KPNA1: variants seen among roughly 807,000 people sequenced by gnomAD.
KPNA1 encodes the protein importin subunit alpha-5.
In KPNA1, 10 loss-of-function variants were observed where a neutral mutation model predicts 70.5. The observed-to-expected ratio is 0.14, with a 90% CI of 0.09 to 0.24. The LOEUF (loss-of-function observed/expected upper bound fraction) is 0.24, where lower values mean the gene tolerates loss of function less well. Ranked by LOEUF, KPNA1 falls within the 10% of genes least tolerant of loss-of-function variation. KPNA1 has a pLI of 1.00. For missense variants in KPNA1, 397 were observed against 637.9 expected, an observed-to-expected ratio of 0.62 and a Z score of 4.07; for synonymous variants, 192 against 221.9, an observed-to-expected ratio of 0.87 and a Z score of 1.20.
chr3:122,437,075 C>A (rs1423822083), intron 11 of KPNA1, 95 bp downstream of exon 11: 5 of 1,334,552 alleles, frequency 3.7e-6, no homozygotes, highest in Non-Finnish European at 5.2e-6. Context: ...CCACCGCACC[C>A]AGCCAAAAAC....
At chr3:122,480,063 G>C (rs1203126572) in intron 2 of KPNA1, among the ~76,000 whole-genome samples, 2 of 152,112 alleles carry the variant, frequency 1.3e-5, no homozygotes, top group East Asian at 3.9e-4. Context: ...AGGCCAATCT[G>C]AAAAGGCATA....
chr3:122,451,401 T>C (rs2076201070), intron 8 of KPNA1, 133 bp downstream of exon 8: 1 of 563,568 alleles, frequency 1.8e-6, no homozygotes, highest in Admixed American at 3.3e-5. Flanking sequence ...AACAACCCTG[T>C]TTCTCCAAAA....
intron 10 of KPNA1, among the ~76,000 whole-genome samples, chr3:122,439,681 T>G (rs961728574): frequency 2.0e-5 from 3 of 152,116 alleles, no homozygotes; most frequent in Non-Finnish European, 2.9e-5. Flanking sequence ...TCAGCTGTTA[T>G]TAGGGGGAAT....
chr3:122,473,178 C>T (rs998308463), intron 2 of KPNA1, among the ~76,000 whole-genome samples: 12 of 152,152 alleles, frequency 7.9e-5, no homozygotes, highest in Non-Finnish European at 1.8e-4. Context: ...CCACAAACTA[C>T]CAAAACTCAC....
intron 9 of KPNA1, among the ~76,000 whole-genome samples, chr3:122,444,758 C>A (rs1015209442): frequency 1.6e-4 from 24 of 152,192 alleles, no homozygotes; most frequent in African/African-American, 5.8e-4. Context: ...TCCAGGAAAA[C>A]AGGGTCTGGA....
chr3:122,449,167 A>G (rs1334495213), intron 9 of KPNA1, among the ~76,000 whole-genome samples: 1 of 152,254 alleles, frequency 6.6e-6, no homozygotes, highest in Non-Finnish European at 1.5e-5. Flanking sequence ...TATCAAAAGC[A>G]TCACGGAGAT....
chr3:122,502,130 A>G (rs1328384408), intron 1 of KPNA1, among the ~76,000 whole-genome samples: 1 of 152,178 alleles, frequency 6.6e-6, no homozygotes, highest in Non-Finnish European at 1.5e-5. Flanking sequence ...TATCATTCTC[A>G]CCTTTTACAG....
At chr3:122,436,095 C>G (rs902251332) in intron 11 of KPNA1, among the ~76,000 whole-genome samples, 2 of 152,158 alleles carry the variant, frequency 1.3e-5, no homozygotes, top group African/African-American at 4.8e-5. Flanking sequence ...AGGGGGAGGT[C>G]TCTAAAATGG....
In KPNA1 at chr3:122,488,850, G is replaced by A. The variant is rs116349284; in HGVS notation, c.129+7587C>T. On this transcript the variant is annotated intron_variant, in intron 2 of 13. Coordinates refer to ENST00000344337, the MANE Select transcript of KPNA1 (RefSeq NM_002264.4). ...CAGTTTGGCTATGATATGCCATGACGTAGTTTTCTTCATCTTTCTTGTGAT... is the reference window on the plus strand; with the variant it reads ...CAGTTTGGCTATGATATGCCATGACATAGTTTTCTTCATCTTTCTTGTGAT... 7.4e-3 allele frequency among the ~76,000 whole-genome samples: 1,125 copies of A among 152,266 alleles called. 13 individuals carry two copies. The highest frequency in any genetic ancestry group is 0.025 in the African/African-American group (1,053 of 41,556).
chr3:122,499,917 AT>A (rs1253596894), intron 1 of KPNA1, among the ~76,000 whole-genome samples: 1 of 152,188 alleles, frequency 6.6e-6, no homozygotes. Context: ...GTTTGGTAAA[AT>A]TCAGCAGTAA....
intron 6 of KPNA1, among the ~76,000 whole-genome samples, chr3:122,452,500 C>CGGAAGGAG (rs1165575071): frequency 1.7e-4 from 15 of 86,244 alleles, no homozygotes; most frequent in South Asian, 4.6e-4. Context: ...CAGGGACAGA[C>CGGAAGGAG]GGAAGGAGGG....
At chr3:122,451,765 T>C in intron 7 of KPNA1, 132 bp from the exon 8 acceptor site, 1 of 710,710 alleles carries the variant, frequency 1.4e-6, no homozygotes, top group African/African-American at 1.8e-5. Flanking sequence ...TAAAACTTCA[T>C]TAATTCTGAT....
At chr3:122,505,274 CAAAAAAAA>C (rs376502610) in intron 1 of KPNA1, among the ~76,000 whole-genome samples, 1 of 99,544 alleles carries the variant, frequency 1.0e-5, no homozygotes, top group African/African-American at 4.1e-5. Context: ...CTGCATGCCT[CAAAAAAAA>C]AAAAAAAAAA....
chr3:122,490,143 GGAA>G (rs2076681249), intron 2 of KPNA1, among the ~76,000 whole-genome samples: 2 of 152,246 alleles, frequency 1.3e-5, no homozygotes, highest in Non-Finnish European at 2.9e-5. Flanking sequence ...GAATATCTGA[GGAA>G]AGCCTTTGAA....
At chr3:122,437,826 A>C (rs1206315358) in intron 10 of KPNA1, among the ~76,000 whole-genome samples, 4 of 148,486 alleles carry the variant, frequency 2.7e-5, no homozygotes, top group African/African-American at 9.9e-5. Flanking sequence ...CTAGAAACTA[A>C]AATAATATAA....
intron 5 of KPNA1, among the ~76,000 whole-genome samples, chr3:122,458,437 C>G (rs775104489): frequency 6.6e-6 from 1 of 152,188 alleles, no homozygotes; most frequent in Non-Finnish European, 1.5e-5. Context: ...TTTTATCTCC[C>G]TGGTTTGAGG....
intron 2 of KPNA1, among the ~76,000 whole-genome samples, chr3:122,486,721 G>A (rs934524740): frequency 2.0e-5 from 3 of 152,048 alleles, no homozygotes; most frequent in African/African-American, 7.2e-5. Context: ...CCAAGTAGCT[G>A]GGACTACAGG....
At chr3:122,448,983 C>T (rs1187404146) in intron 9 of KPNA1, among the ~76,000 whole-genome samples, 2 of 152,216 alleles carry the variant, frequency 1.3e-5, no homozygotes, top group African/African-American at 4.8e-5. Context: ...TTCCAAATGT[C>T]ATGTTTGCGA....
intron 10 of KPNA1, among the ~76,000 whole-genome samples, chr3:122,439,894 G>C (rs2076040611): frequency 5.3e-5 from 8 of 152,126 alleles, no homozygotes; most frequent in Admixed American, 5.2e-4. Context: ...TAGGTAAAGA[G>C]AATAGTTATA....
Sources: allele counts gnomAD v4.1 joint callset (sites outside exome capture counted in the v4.1 genomes callset), GRCh38; gene constraint gnomAD v4.1.1; transcripts MANE v1.5; gene names NCBI Gene and HGNC (gene_info 2026-07-23, HGNC 2026-07-21).